The following TRMT11 variants were observed in gnomAD, a reference collection of about 807,000 sequenced individuals.
TRMT11 encodes tRNA methyltransferase 11.
A neutral mutation model predicts 62.8 loss-of-function variants in TRMT11; 53 were observed. The ratio of observed to expected loss-of-function variants is 0.84; its 90% CI spans 0.68 to 1.06. The LOEUF (loss-of-function observed/expected upper bound fraction) is 1.06. Among genes scored for constraint, TRMT11 ranks in the 50% least tolerant of loss-of-function variants. TRMT11 has a pLI of 0.00. For missense variants in TRMT11, 556 were observed against 553.4 expected (o/e 1.00, Z -0.05); for synonymous variants, 188 against 190.3 (o/e 0.99, Z 0.10).
At chr6:126,061,024 C>A (rs1400321594) in intron 17 of TRMT11, among the ~76,000 whole-genome samples, 1 of 152,220 alleles carries the variant, frequency 6.6e-6, no homozygotes, top group Non-Finnish European at 1.5e-5. Flanking sequence ...TTTCTAGGAA[C>A]TGGAAGTGCT....
rs117804809 is a variant in TRMT11, at chr6:126,149,877, A to T, written c.*1824-24948A>T. Among the ~76,000 whole-genome samples, 351 of 152,316 alleles carry T rather than the reference A, an allele frequency of 2.3e-3. 3 individuals carry two copies. The highest frequency in any genetic ancestry group is 7.9e-3 in the African/African-American group (328 of 41,566). On this transcript the variant is annotated intron_variant and NMD_transcript_variant, in intron 21 of 22. Coordinates refer to the TRMT11 transcript ENST00000648977. ...ATGTCTCTCTTGACCTTTTCTGAAAAGATAAAAGTGGACTGTGTCTGTATT... is the reference window on the plus strand; with the variant it reads ...ATGTCTCTCTTGACCTTTTCTGAAATGATAAAAGTGGACTGTGTCTGTATT...
chr6:126,166,799 G>A (rs1778272754), intron 21 of TRMT11, among the ~76,000 whole-genome samples: 1 of 152,210 alleles, frequency 6.6e-6, no homozygotes, highest in Admixed American at 6.5e-5. Context: ...TTCTTTCAGA[G>A]ATGGCCTGCC....
chr6:126,266,198 T>G, the TRMT11 span, among the ~76,000 whole-genome samples: 8 of 152,194 alleles, frequency 5.3e-5, no homozygotes, highest in African/African-American at 1.7e-4. Context: ...TGATGTCTAG[T>G]GCGTGTTATA....
intron 17 of TRMT11, among the ~76,000 whole-genome samples, chr6:126,099,451 A>G (rs1283931457): frequency 6.6e-6 from 1 of 152,200 alleles, no homozygotes; most frequent in East Asian, 1.9e-4. Context: ...CCGTGTACTG[A>G]CAGTTGTGAC....
intron 17 of TRMT11, among the ~76,000 whole-genome samples, chr6:126,104,181 A>G (rs999663052): frequency 2.6e-5 from 4 of 152,224 alleles, no homozygotes; most frequent in African/African-American, 9.6e-5. Context: ...GAGATAAAGC[A>G]TCAACTAGGA....
At chr6:126,238,367 T>C in the TRMT11 span, among the ~76,000 whole-genome samples, 1 of 152,360 alleles carries the variant, frequency 6.6e-6, no homozygotes, top group Admixed American at 6.5e-5. Flanking sequence ...AATTTCCCTC[T>C]ACACACTGCT....
At chr6:126,172,180 C>T (rs1778337216) in intron 21 of TRMT11, among the ~76,000 whole-genome samples, 2 of 151,820 alleles carry the variant, frequency 1.3e-5, no homozygotes, top group Non-Finnish European at 2.9e-5. Flanking sequence ...ACCTTTTTTT[C>T]CCCTCAGTTT....
At chr6:126,154,325 ATG>A (rs752384256) in intron 21 of TRMT11, among the ~76,000 whole-genome samples, 23 of 148,162 alleles carry the variant, frequency 1.6e-4, no homozygotes, top group African/African-American at 5.2e-4. Flanking sequence ...TAATAAAGAT[ATG>A]TGTGTGTGTG....
At chr6:126,047,085 A>G (rs1776082028) in intron 16 of TRMT11, among the ~76,000 whole-genome samples, 1 of 151,996 alleles carries the variant, frequency 6.6e-6, no homozygotes, top group African/African-American at 2.4e-5. Context: ...GGCTGGCCAG[A>G]TACACGGCTT....
At chr6:126,265,533 G>C in the TRMT11 span, among the ~76,000 whole-genome samples, 1 of 152,000 alleles carries the variant, frequency 6.6e-6, no homozygotes, top group African/African-American at 2.4e-5. Flanking sequence ...TGAAACAACA[G>C]TAGCATTGAA....
rs757611837 is a variant in TRMT11 at position 126,151,820 on chromosome 6, TTC to T, written c.*1824-23003_*1824-23002del. Reference sequence around the variant, plus strand: ...TCCTCTCTGTCTTTTCTTTCTTTCTTTCTTTCTTTCTTTCTTTCTTTCTTTCT... The same window carrying T: ...TCCTCTCTGTCTTTTCTTTCTTTCTTTTTCTTTCTTTCTTTCTTTCTTTCT... On this transcript the variant is annotated intron_variant and NMD_transcript_variant, in intron 21 of 22. Coordinates refer to the TRMT11 transcript ENST00000648977. Among the ~76,000 whole-genome samples the T allele has an allele frequency of 5.9e-4, 75 of 126,946 alleles. 2 individuals are homozygous for T. Among genetic ancestry groups the T allele is most frequent in the Admixed American group, 1.4e-3 (17 of 12,434 alleles). 83.3% of individuals were successfully genotyped at this position (126,946 alleles called of 152,430 possible). A position where few individuals can be genotyped will look rare whatever the true frequency, so the allele number is the denominator to read the frequency against.
At chr6:126,033,261 CA>C (rs751435927) in intron 12 of TRMT11, among the ~76,000 whole-genome samples, 1 of 152,156 alleles carries the variant, frequency 6.6e-6, no homozygotes, top group Non-Finnish European at 1.5e-5. Flanking sequence ...TGTATTCTCA[CA>C]GTATAATCCA....
At chr6:126,086,396 C>A (rs957422860) in intron 17 of TRMT11, among the ~76,000 whole-genome samples, 1 of 152,152 alleles carries the variant, frequency 6.6e-6, no homozygotes, top group African/African-American at 2.4e-5. Context: ...TCTTGATTGC[C>A]CTTTCTCCAT....
At chr6:126,139,779 T>C (rs1194316215) in intron 21 of TRMT11, among the ~76,000 whole-genome samples, 2 of 152,182 alleles carry the variant, frequency 1.3e-5, no homozygotes, top group African/African-American at 4.8e-5. Context: ...AACTTCTATT[T>C]GGCTACCTTG....
At chr6:126,141,481 A>G (rs751569215) in intron 21 of TRMT11, among the ~76,000 whole-genome samples, 1 of 152,164 alleles carries the variant, frequency 6.6e-6, no homozygotes, top group Non-Finnish European at 1.5e-5. Context: ...ATGAATATAT[A>G]GGTTGTACTG....
chr6:126,218,133 C>T, the TRMT11 span, among the ~76,000 whole-genome samples: 33 of 152,310 alleles, frequency 2.2e-4, no homozygotes, highest in Non-Finnish European at 4.0e-4. Context: ...TCCTGTGTGG[C>T]TCAGGGCATT....
upstream of TRMT11, among the ~76,000 whole-genome samples, chr6:126,173,916 G>A (rs997041238): frequency 7.2e-5 from 11 of 152,170 alleles, no homozygotes; most frequent in African/African-American, 1.2e-4. Flanking sequence ...GAACAGAAGA[G>A]CAGAGTCCTG....
intron 1 of TRMT11, among the ~76,000 whole-genome samples, chr6:126,183,071 A>G (rs907584338): frequency 9.9e-5 from 15 of 152,168 alleles, no homozygotes; most frequent in African/African-American, 3.6e-4. Context: ...CACCCACTGC[A>G]GGCTTCGTAG....
chr6:126,036,151 G>A (rs962434052), intron 12 of TRMT11, among the ~76,000 whole-genome samples: 8 of 152,102 alleles, frequency 5.3e-5, no homozygotes, highest in African/African-American at 1.9e-4. Context: ...GAGGAGAATA[G>A]TGGACATGAG....
Sources: gnomAD v4.1 joint callset for allele counts (sites outside exome capture counted in the v4.1 genomes callset) on GRCh38, gnomAD v4.1.1 for gene constraint, MANE v1.5 for transcripts, NCBI Gene and HGNC (gene_info 2026-07-23, HGNC 2026-07-21) for gene names.